NLRP8: variants seen among roughly 807,000 people sequenced by gnomAD.
The protein encoded by NLRP8 is NLR family pyrin domain containing 8.
A neutral mutation model predicts 88.7 loss-of-function variants in NLRP8; 86 were observed. The observed-to-expected ratio is 0.97, with a 90% CI of 0.81 to 1.16. NLRP8 has a LOEUF of 1.16. Ranked by LOEUF, NLRP8 falls within the 50% of genes most tolerant of loss-of-function variation. The probability of loss-of-function intolerance (pLI) is 0.00; values close to 1 mark genes in which losing one functional copy is unlikely to be tolerated. For synonymous variants in NLRP8, 504 were observed against 494.6 expected, an observed-to-expected ratio of 1.02 and a Z score of -0.25; for missense variants, 1,342 against 1,286.5, an observed-to-expected ratio of 1.04 and a Z score of -0.66.
At position 55,970,672 on chromosome 19, in the gene NLRP8, C is replaced by T. The variant is rs1980036498; in HGVS notation, c.2510C>T (p.Ser837Phe). 1 of 1,613,968 alleles carries T rather than the reference C, an allele frequency of 6.2e-7. No homozygotes were observed. The highest frequency in any genetic ancestry group is 1.1e-5 in the South Asian group (1 of 91,076). ...GAGAACTGTGGGGCGTATTACCTGT[C>T]TGTGGCCCAGCTGGAGAGGCTGTCG... The change falls in exon 6 of 10, where the codon TCT (serine) becomes TTT (phenylalanine). Residue 837 changes from serine to phenylalanine, a missense_variant. Ser to Phe is a radical substitution (Grantham distance 155). Coordinates refer to ENST00000291971, the MANE Select transcript of NLRP8 (RefSeq NM_176811.2).
intron 7 of NLRP8, among the ~76,000 whole-genome samples, chr19:55,974,927 T>G (rs1315610777): frequency 1.3e-5 from 2 of 151,938 alleles, no homozygotes; most frequent in Non-Finnish European, 1.5e-5. Context: ...TTGAAATGCA[T>G]GAGGTTAGAA....
chr19:55,966,061 T>G, intron 4 of NLRP8, 152 bp from the exon 5 acceptor site: 1 of 642,692 alleles, frequency 1.6e-6, no homozygotes, highest in South Asian at 2.2e-5. Context: ...TGTCACTCTT[T>G]AATGTCTGCA....
Position 55,970,569 on chromosome 19 carries a change from A to G in NLRP8, c.2407A>G (p.Arg803Gly). The G allele has an allele frequency of 6.2e-7, 1 of 1,614,130 alleles. No individual in the cohort carries two copies. Among genetic ancestry groups the G allele is most frequent in the Non-Finnish European group, 8.5e-7 (1 of 1,180,022 alleles). The change falls in exon 6 of 10, where the codon AGA becomes GGA. Residue 803 changes from arginine (R) to glycine (G), a missense_variant. Coordinates refer to ENST00000291971, the MANE Select transcript of NLRP8 (RefSeq NM_176811.2). ...GTTGGAAGACTGCTTGGCCACCCCTAGAATTTGGACTGATCTTGGCAATAA... is the reference window on the plus strand; with the variant it reads ...GTTGGAAGACTGCTTGGCCACCCCTGGAATTTGGACTGATCTTGGCAATAA...
Position 55,955,565 on chromosome 19 carries a change from T to C in NLRP8, c.1507T>C (p.Tyr503His). Residue 503 changes from tyrosine to histidine, a missense_variant, in exon 3 of 10, where the codon TAT (tyrosine) becomes CAT (histidine). Physicochemically the swap from Tyr to His is moderately conservative, Grantham distance 83. Transcript: ENST00000291971. ...GAGAATTGCAGGTGAGGAAGACCACTATGTCTTTACCCTCGTGACTTTTCA... is the reference window on the plus strand; with the variant it reads ...GAGAATTGCAGGTGAGGAAGACCACCATGTCTTTACCCTCGTGACTTTTCA... 1 of 1,614,180 alleles carries C rather than the reference T, an allele frequency of 6.2e-7. No homozygotes were observed. The highest frequency in any genetic ancestry group is 8.5e-7 in the Non-Finnish European group (1 of 1,180,034).
intron 9 of NLRP8, among the ~76,000 whole-genome samples, chr19:55,986,391 CACAT>C (rs1170222360): frequency 1.3e-5 from 2 of 151,546 alleles, no homozygotes; most frequent in Admixed American, 6.6e-5. Flanking sequence ...TTCTCTCACA[CACAT>C]ACACACTGTC....
intron 1 of NLRP8, among the ~76,000 whole-genome samples, chr19:55,948,597 G>A (rs894392587): frequency 2.6e-5 from 4 of 152,106 alleles, no homozygotes; most frequent in Non-Finnish European, 5.9e-5. Context: ...CACCATGCCT[G>A]GGTAATTTTT....
intron 3 of NLRP8, among the ~76,000 whole-genome samples, chr19:55,959,297 C>T (rs954910185): frequency 2.6e-5 from 4 of 151,484 alleles, no homozygotes; most frequent in East Asian, 2.0e-4. Context: ...CTGCAAGCTC[C>T]GCCTCCCTGG....
At chr19:55,983,214 A>G (rs1201778175) in intron 9 of NLRP8, among the ~76,000 whole-genome samples, 1 of 152,158 alleles carries the variant, frequency 6.6e-6, no homozygotes, top group African/African-American at 2.4e-5. Flanking sequence ...CTGTAATCCC[A>G]GCATTTTGGG....
At chr19:55,986,509 CTA>C (rs1980847672) in intron 9 of NLRP8, among the ~76,000 whole-genome samples, 1 of 145,624 alleles carries the variant, frequency 6.9e-6, no homozygotes, top group Admixed American at 6.7e-5. Context: ...CACACACACA[CTA>C]ATTGCTTCAG....
intron 7 of NLRP8, among the ~76,000 whole-genome samples, chr19:55,975,331 G>T (rs1980262510): frequency 6.6e-6 from 1 of 152,220 alleles, no homozygotes; most frequent in Non-Finnish European, 1.5e-5. Flanking sequence ...CCAAAAAGAA[G>T]CAGGGAACGG....
chr19:55,966,742 G>T (rs1427200425), intron 5 of NLRP8, among the ~76,000 whole-genome samples: 1 of 152,102 alleles, frequency 6.6e-6, no homozygotes, highest in Non-Finnish European at 1.5e-5. Flanking sequence ...CTTCAGCCCG[G>T]TAGGTGGTGG....
chr19:55,955,608 T>A lies in NLRP8; in HGVS notation c.1550T>A (p.Leu517Ter). The A allele has an allele frequency of 6.2e-7, 1 of 1,614,204 alleles. No individual in the cohort carries two copies. The highest frequency in any genetic ancestry group is 8.5e-7 in the Non-Finnish European group (1 of 1,180,028). ...ACTTTTCAGGAATTTTTTGCGGCCTTGTTTTATGTTCTCTGTTTCCCACAA... is the reference window on the plus strand; with the variant it reads ...ACTTTTCAGGAATTTTTTGCGGCCTAGTTTTATGTTCTCTGTTTCCCACAA... The change falls in exon 3 of 10, where the codon TTG becomes TAG. Residue 517 changes from leucine to a stop codon, truncating the protein, a stop_gained. Coordinates refer to ENST00000291971, the MANE Select transcript of NLRP8 (RefSeq NM_176811.2). LOFTEE classifies it high-confidence loss of function.
intron 1 of NLRP8, among the ~76,000 whole-genome samples, chr19:55,948,864 G>A (rs1017299719): frequency 1.3e-5 from 2 of 152,226 alleles, no homozygotes; most frequent in African/African-American, 4.8e-5. Flanking sequence ...GCAGAAGACA[G>A]CTGGTATAGC....
intron 5 of NLRP8, among the ~76,000 whole-genome samples, chr19:55,968,578 T>C (rs748082156): frequency 2.0e-5 from 3 of 150,956 alleles, no homozygotes; most frequent in Non-Finnish European, 4.4e-5. Flanking sequence ...CTGTCTCTAC[T>C]AAAAATACAA....
chr19:55,975,682 A>G (rs1338618524), intron 7 of NLRP8, among the ~76,000 whole-genome samples: 1 of 152,254 alleles, frequency 6.6e-6, no homozygotes, highest in African/African-American at 2.4e-5. Flanking sequence ...AAACGCAAAA[A>G]GTCACATATT....
rs1382130966 is a variant in NLRP8 at position 55,970,543 on chromosome 19, G to C, written c.2382-1G>C. 1.2e-6 allele frequency: 2 copies of C among 1,613,972 alleles called. No individual in the cohort carries two copies. Among genetic ancestry groups the C allele is most frequent in the Non-Finnish European group, 1.7e-6 (2 of 1,180,006 alleles). ...TCAGCATTTGTATCTGGCTTCTACA[G>C]GTTGGAAGACTGCTTGGCCACCCCT... On this transcript the variant is annotated splice_acceptor_variant, in intron 5 of 9. Coordinates refer to ENST00000291971, the MANE Select transcript of NLRP8 (RefSeq NM_176811.2). LOFTEE classifies it high-confidence loss of function.
intron 8 of NLRP8, among the ~76,000 whole-genome samples, chr19:55,977,315 A>G (rs1980391412): frequency 6.9e-6 from 1 of 145,702 alleles, no homozygotes; most frequent in Admixed American, 7.0e-5. Flanking sequence ...ATTTATATGT[A>G]GATACTTATT....
chr19:55,948,245 G>C lies in NLRP8; in HGVS notation c.343G>C (p.Val115Leu). ...CATTATGAACTGTGATAAAATGTGTGTTGTAGTCCGCAGAGAGATAAATGG... is the reference window on the plus strand; with the variant it reads ...CATTATGAACTGTGATAAAATGTGTCTTGTAGTCCGCAGAGAGATAAATGG... The change falls in exon 1 of 10, where the codon GTT becomes CTT. Residue 115 changes from valine to leucine, a missense_variant. By Grantham distance (32) the Val-to-Leu change is conservative. Coordinates refer to ENST00000291971, the MANE Select transcript of NLRP8 (RefSeq NM_176811.2). 6.2e-7 allele frequency: 1 copy of C among 1,613,652 alleles called. No individual in the cohort carries two copies. The highest frequency in any genetic ancestry group is 1.3e-5 in the African/African-American group (1 of 75,016).
At position 55,954,211 on chromosome 19, in the gene NLRP8, C is replaced by G. The variant is rs142981424; in HGVS notation, c.443-290C>G. ...AGAAAGGGCTGAGAGAATCGTGATG[C>G]TGCTGGACCTGAAACTATGGCGCCA... is the stretch of plus-strand genomic sequence containing the variant. On this transcript the variant is annotated intron_variant, in intron 2 of 9. Coordinates refer to ENST00000291971, the MANE Select transcript of NLRP8 (RefSeq NM_176811.2). Among the ~76,000 whole-genome samples, 548 of 152,308 alleles carry G rather than the reference C, an allele frequency of 3.6e-3. 4 individuals are homozygous for G. The highest frequency in any genetic ancestry group is 0.013 in the African/African-American group (529 of 41,574).
Sources: gnomAD v4.1 joint callset for allele counts (sites outside exome capture counted in the v4.1 genomes callset) on GRCh38, gnomAD v4.1.1 for gene constraint, MANE v1.5 for transcripts, NCBI Gene and HGNC (gene_info 2026-07-23, HGNC 2026-07-21) for gene names.